STXBP5L: variants seen among roughly 807,000 people sequenced by gnomAD.
The protein encoded by STXBP5L is syntaxin-binding protein 5-like.
Under a neutral mutation model 144.5 loss-of-function variants are expected in STXBP5L, and 65 were observed. The ratio of observed to expected loss-of-function variants is 0.45; its 90% confidence interval spans 0.37 to 0.55. STXBP5L has a LOEUF of 0.55. Among genes scored for constraint, STXBP5L ranks in the 20% least tolerant of loss-of-function variants. The pLI, the probability that STXBP5L is intolerant of heterozygous loss-of-function variation, is 0.00. For synonymous variants in STXBP5L, 505 were observed against 469.6 expected (o/e 1.08, Z -0.97); for missense variants, 1,298 against 1,405.5 (o/e 0.92, Z 1.22).
intron 9 of STXBP5L, among the ~76,000 whole-genome samples, chr3:121,174,309 T>C (rs1474916782): frequency 6.6e-6 from 1 of 152,188 alleles, no homozygotes; most frequent in African/African-American, 2.4e-5. Context: ...AATGATAATA[T>C]AGACTAGTAT....
At chr3:121,257,102 A>T in intron 16 of STXBP5L, 59 bp from the exon 17 acceptor site, 1 of 1,295,862 alleles carries the variant, frequency 7.7e-7, no homozygotes, top group Non-Finnish European at 1.1e-6. Context: ...GACTTAGATT[A>T]AATTAAAACG....
In STXBP5L at chr3:120,988,965, C is replaced by T. The variant is rs574545014; in HGVS notation, c.287+33928C>T. 1.2e-4 allele frequency among the ~76,000 whole-genome samples: 18 copies of T among 152,128 alleles called. No individual in the cohort carries two copies. The South Asian group carries it at 3.7e-3, about 32-fold the overall frequency. ...TCACTTAAAATAATGGACTCCAGTT[C>T]CATCCTTGTTTTTGCAAAAGACATG... On this transcript the variant is annotated intron_variant, in intron 3 of 26. Transcript: ENST00000471454.
At chr3:121,031,509 A>G (rs900595061) in intron 3 of STXBP5L, among the ~76,000 whole-genome samples, 26 of 152,216 alleles carry the variant, frequency 1.7e-4, no homozygotes, top group African/African-American at 6.0e-4. Context: ...CTGGAGACCC[A>G]GGGATGATTG....
intron 20 of STXBP5L, among the ~76,000 whole-genome samples, chr3:121,347,356 C>G (rs959258530): frequency 2.3e-4 from 35 of 152,278 alleles, no homozygotes; most frequent in African/African-American, 8.2e-4. Flanking sequence ...GTTACTGTAG[C>G]CTTGTAGTGT....
intron 18 of STXBP5L, among the ~76,000 whole-genome samples, chr3:121,261,983 C>T (rs1005925871): frequency 2.6e-5 from 4 of 152,190 alleles, no homozygotes; most frequent in Non-Finnish European, 5.9e-5. Flanking sequence ...TGTCTCTCTG[C>T]TTTGCTCTCT....
chr3:121,007,110 G>T (rs1481611655), intron 3 of STXBP5L, among the ~76,000 whole-genome samples: 2 of 152,000 alleles, frequency 1.3e-5, no homozygotes, highest in African/African-American at 2.4e-5. Context: ...TTGCTAGATT[G>T]GGGAAGTTCT....
chr3:120,960,685 T>G (rs1266857306), intron 3 of STXBP5L, among the ~76,000 whole-genome samples: 1 of 151,502 alleles, frequency 6.6e-6, no homozygotes, highest in African/African-American at 2.4e-5. Context: ...CCGCGTGTTC[T>G]CACTCATAGG....
chr3:121,001,469 A>T (rs1943769681), intron 3 of STXBP5L, among the ~76,000 whole-genome samples: 1 of 152,166 alleles, frequency 6.6e-6, no homozygotes, highest in Non-Finnish European at 1.5e-5. Context: ...CAGTGTGGTG[A>T]GCCTTGGAGG....
At chr3:121,173,323 T>TATAATAATAATA (rs35583909) in intron 9 of STXBP5L, among the ~76,000 whole-genome samples, 9,834 of 146,434 alleles carry the variant, frequency 0.067, 365 homozygotes, top group East Asian at 0.096. Context: ...GAACTTAAAA[T>TATAATAATAATA]ATAATAATAA....
chr3:121,276,986 T>A (rs189407770), intron 18 of STXBP5L, among the ~76,000 whole-genome samples: 8 of 152,152 alleles, frequency 5.3e-5, no homozygotes, highest in Middle Eastern at 6.8e-3. Context: ...TTTTGTTTTT[T>A]AAAGTTTTAA....
At chr3:121,013,927 T>G (rs1312431190) in intron 3 of STXBP5L, among the ~76,000 whole-genome samples, 1 of 152,096 alleles carries the variant, frequency 6.6e-6, no homozygotes, top group African/African-American at 2.4e-5. Flanking sequence ...TTGTCAACTT[T>G]GTCAAAGATC....
At chr3:121,157,390 T>C in intron 8 of STXBP5L, 114 bp from the exon 9 acceptor site, 1 of 1,138,314 alleles carries the variant, frequency 8.8e-7, no homozygotes, top group Non-Finnish European at 1.2e-6. Flanking sequence ...TTATGTTTTT[T>C]AAGTGTTGTT....
Position 120,933,330 on chromosome 3 carries a change from G to A in STXBP5L, c.190-21610G>A, listed in dbSNP as rs564931714. Among the ~76,000 whole-genome samples the A allele has an allele frequency of 1.3e-4, 20 of 152,184 alleles. No homozygotes were observed. The South Asian group carries it at 3.7e-3, about 28-fold the overall frequency. ...CCTAAACTATGCAACATTAGCTGAC[G>A]CAGTTATTTTAACTGTATCTCAGAA... On this transcript the variant is annotated intron_variant, in intron 2 of 26. Transcript: ENST00000471454.
intron 5 of STXBP5L, among the ~76,000 whole-genome samples, chr3:121,061,525 C>G (rs2041277462): frequency 6.6e-6 from 1 of 152,124 alleles, no homozygotes; most frequent in Non-Finnish European, 1.5e-5. Context: ...CCTGAACATC[C>G]TTGTTAATTT....
intron 5 of STXBP5L, among the ~76,000 whole-genome samples, chr3:121,091,899 A>T (rs1282866708): frequency 6.6e-6 from 1 of 152,166 alleles, no homozygotes; most frequent in Non-Finnish European, 1.5e-5. Flanking sequence ...TAGGATCTTT[A>T]TGGTTTTAGG....
intron 20 of STXBP5L, among the ~76,000 whole-genome samples, chr3:121,333,204 A>T (rs897269004): frequency 6.6e-6 from 1 of 152,200 alleles, no homozygotes; most frequent in Non-Finnish European, 1.5e-5. Flanking sequence ...GTAGCAATCA[A>T]CATGATGATT....
intron 5 of STXBP5L, among the ~76,000 whole-genome samples, chr3:121,045,899 A>G (rs995083543): frequency 6.6e-6 from 1 of 152,114 alleles, no homozygotes; most frequent in African/African-American, 2.4e-5. Flanking sequence ...CTTCCAGTCT[A>G]TGTTGACTAG....
chr3:121,071,389 C>T (rs1241412866), intron 5 of STXBP5L, among the ~76,000 whole-genome samples: 2 of 152,212 alleles, frequency 1.3e-5, no homozygotes, highest in Non-Finnish European at 2.9e-5. Flanking sequence ...AGTGTTTCCT[C>T]AAGCTTCAGT....
intron 6 of STXBP5L, among the ~76,000 whole-genome samples, chr3:121,116,149 C>T (rs537630224): frequency 4.7e-4 from 71 of 152,210 alleles, no homozygotes; most frequent in African/African-American, 1.7e-3. Context: ...AGAAAAACAA[C>T]TTTTATTTAA....
Sources: allele counts gnomAD v4.1 joint callset (sites outside exome capture counted in the v4.1 genomes callset), GRCh38; gene constraint gnomAD v4.1.1; transcripts MANE v1.5; gene names NCBI Gene and HGNC (gene_info 2026-07-23, HGNC 2026-07-21).